ABCA1: variants seen among roughly 807,000 people sequenced by gnomAD.
ABCA1 encodes the protein phospholipid-transporting ATPase ABCA1.
Under a neutral mutation model 262.5 loss-of-function variants are expected in ABCA1, and 133 were observed. The observed-to-expected ratio is 0.51, with a 90% confidence interval of 0.44 to 0.59. The LOEUF is 0.59. ABCA1 is among the 20% of genes least tolerant of loss of function. ABCA1 has a pLI of 0.00. For synonymous variants in ABCA1, 1,022 were observed against 1,043.5 expected, an observed-to-expected ratio of 0.98 and a Z score of 0.40; for missense variants, 2,452 against 2,777.5, an observed-to-expected ratio of 0.88 and a Z score of 2.63.
chr9:104,861,016 A>C (rs574981110), intron 6 of ABCA1, among the ~76,000 whole-genome samples: 5 of 152,234 alleles, frequency 3.3e-5, no homozygotes, highest in African/African-American at 1.2e-4. Flanking sequence ...TTGGCCTCCC[A>C]AAGTGCTGGG....
At chr9:104,816,438 C>A (rs1471229010) in intron 24 of ABCA1, 93 bp from the exon 25 acceptor site, 2 of 1,165,590 alleles carry the variant, frequency 1.7e-6, no homozygotes, top group Admixed American at 1.7e-5. Flanking sequence ...CAGAGGCCTG[C>A]CGCTCATACA....
At chr9:104,785,974 TTTG>T (rs1468793208) in intron 48 of ABCA1, among the ~76,000 whole-genome samples, 1 of 152,184 alleles carries the variant, frequency 6.6e-6, no homozygotes, top group Non-Finnish European at 1.5e-5. Context: ...CCCATTTGTG[TTTG>T]ACTCCAAAGC....
At chr9:104,910,287 A>T (rs192220697) in intron 1 of ABCA1, among the ~76,000 whole-genome samples, 1 of 152,342 alleles carries the variant, frequency 6.6e-6, no homozygotes, top group East Asian at 1.9e-4. Context: ...TTGAAGACTC[A>T]TTCCCACTAC....
At chr9:104,823,409 G>A (rs1215636227) in intron 18 of ABCA1, among the ~76,000 whole-genome samples, 1 of 152,212 alleles carries the variant, frequency 6.6e-6, no homozygotes, top group Non-Finnish European at 1.5e-5. Flanking sequence ...TCATGGTTTT[G>A]ATACTATTCT....
intron 5 of ABCA1, among the ~76,000 whole-genome samples, chr9:104,863,521 G>A (rs377255421): frequency 7.9e-5 from 12 of 152,210 alleles, no homozygotes; most frequent in African/African-American, 2.4e-4. Flanking sequence ...GAGTTAATCC[G>A]CGGAGCTAAG....
chr9:104,836,889 A>C, intron 11 of ABCA1, 91 bp downstream of exon 11: 1 of 1,017,010 alleles, frequency 9.8e-7, no homozygotes, highest in Non-Finnish European at 1.6e-6. Context: ...AACTGAAAGA[A>C]TTCTCACCTC....
At chr9:104,787,728 A>G in intron 46 of ABCA1, 192 bp downstream of exon 46, 2 of 580,776 alleles carry the variant, frequency 3.4e-6, no homozygotes, top group African/African-American at 4.1e-5. Context: ...ATTTGGGAGC[A>G]TCTGCAGGCA....
In ABCA1 at chr9:104,817,812, C is replaced by T. The variant is rs912592963; in HGVS notation, c.3463-408G>A. 1.3e-5 allele frequency among the ~76,000 whole-genome samples: 2 copies of T among 152,184 alleles called. No homozygotes were observed. Among genetic ancestry groups the T allele is most frequent in the African/African-American group, 2.4e-5 (1 of 41,432 alleles). On this transcript the variant is annotated intron_variant, in intron 23 of 49. Coordinates refer to ENST00000374736, the MANE Select transcript of ABCA1 (RefSeq NM_005502.4). The surrounding 1 kb of genome is among the most constrained non-coding windows in gnomAD (Gnocchi z 4.7). ...TCTGATTCGGTAGGTCTGAGCTGGGCCCAGGTTGCTGAATTTCTAACAAGT... is the reference window on the plus strand; with the variant it reads ...TCTGATTCGGTAGGTCTGAGCTGGGTCCAGGTTGCTGAATTTCTAACAAGT...
intron 7 of ABCA1, chr9:104,856,075 CAT>C (rs1346705092): frequency 6.3e-7 from 1 of 1,599,424 alleles, no homozygotes; most frequent in South Asian, 1.1e-5. Context: ...AATGTCATCA[CAT>C]GTCACATCCA....
chr9:104,870,382 G>A (rs1360077588), intron 5 of ABCA1, among the ~76,000 whole-genome samples: 1 of 152,206 alleles, frequency 6.6e-6, no homozygotes, highest in Non-Finnish European at 1.5e-5. Flanking sequence ...AGAGGGTCGG[G>A]TGAGCAGAGC....
intron 5 of ABCA1, among the ~76,000 whole-genome samples, chr9:104,877,740 G>A (rs957152594): frequency 6.6e-5 from 10 of 152,292 alleles, no homozygotes; most frequent in Non-Finnish European, 1.2e-4. Context: ...GGTAAACTCT[G>A]GGCCAGAAAG....
chr9:104,818,004 A>C (rs1831931582), intron 23 of ABCA1, among the ~76,000 whole-genome samples: 1 of 152,134 alleles, frequency 6.6e-6, no homozygotes, highest in Admixed American at 6.5e-5. Flanking sequence ...TACAGAGGAA[A>C]ACATACCTGG....
intron 7 of ABCA1, among the ~76,000 whole-genome samples, chr9:104,848,433 G>A (rs929407963): frequency 6.6e-6 from 1 of 151,952 alleles, no homozygotes; most frequent in East Asian, 1.9e-4. Context: ...TGGCCAACAC[G>A]GCGAAACCCC....
At chr9:104,851,897 G>T (rs1303024755) in intron 7 of ABCA1, among the ~76,000 whole-genome samples, 1 of 152,174 alleles carries the variant, frequency 6.6e-6, no homozygotes, top group Non-Finnish European at 1.5e-5. Context: ...AGGAGTCACA[G>T]CCAAATAGAA....
chr9:104,824,281 T>C (rs1177429376), intron 18 of ABCA1, among the ~76,000 whole-genome samples, 184 bp downstream of exon 18: 8 of 152,124 alleles, frequency 5.3e-5, no homozygotes, highest in Non-Finnish European at 8.8e-5. Flanking sequence ...GAACTCCCAA[T>C]AGGTCAACAG....
intron 6 of ABCA1, among the ~76,000 whole-genome samples, chr9:104,859,914 G>C (rs1008221779): frequency 6.6e-6 from 1 of 152,056 alleles, no homozygotes. Context: ...AATTAGCCAG[G>C]TGTGGTGGTG....
chr9:104,860,399 CA>C (rs1220508419), intron 6 of ABCA1, among the ~76,000 whole-genome samples: 1 of 152,166 alleles, frequency 6.6e-6, no homozygotes, highest in Admixed American at 6.5e-5. Flanking sequence ...TTGGTAAACA[CA>C]AGGCATATTT....
At chr9:104,800,973 T>C (rs747597442) in intron 34 of ABCA1, among the ~76,000 whole-genome samples, 1 of 152,132 alleles carries the variant, frequency 6.6e-6, no homozygotes, top group Non-Finnish European at 1.5e-5. Context: ...AGCAGACTTG[T>C]GGACTCTAGG....
At chr9:104,840,199 G>A (rs968197968) in intron 9 of ABCA1, 80 bp downstream of exon 9, 3 of 1,610,204 alleles carry the variant, frequency 1.9e-6, no homozygotes, top group Non-Finnish European at 2.5e-6. Context: ...GCTACAGAGG[G>A]AGGAGATGAC....
Sources: gnomAD v4.1 joint callset for allele counts (sites outside exome capture counted in the v4.1 genomes callset) on GRCh38, gnomAD v4.1.1 for gene constraint, Gnocchi (gnomAD v3.1) non-coding constraint, MANE v1.5 for transcripts, NCBI Gene and HGNC (gene_info 2026-07-23, HGNC 2026-07-21) for gene names.